DAB1: variants seen among roughly 807,000 people sequenced by gnomAD.
The protein encoded by DAB1 is disabled homolog 1.
Under a neutral mutation model 64.6 loss-of-function variants are expected in DAB1, and 15 were observed. That is an observed-to-expected ratio of 0.23 (90% confidence interval 0.16 to 0.36). The LOEUF is 0.36. Among genes scored for constraint, DAB1 ranks in the 10% least tolerant of loss-of-function variants. The probability of loss-of-function intolerance (pLI) is 1.00; values close to 1 mark genes in which losing one functional copy is unlikely to be tolerated. For synonymous variants in DAB1, 235 were observed against 251.9 expected (o/e 0.93, Z 0.64); for missense variants, 596 against 706.7 (o/e 0.84, Z 1.78).
chr1:57,248,266 A>T (rs543563033), intron 2 of DAB1, among the ~76,000 whole-genome samples: 49 of 144,396 alleles, frequency 3.4e-4, no homozygotes, highest in South Asian at 2.9e-3. Context: ...TTTTTTTTAA[A>T]AAAATACTTT....
At chr1:58,247,695 C>T (rs945283678) in intron 4 of DAB1, among the ~76,000 whole-genome samples, 3 of 152,082 alleles carry the variant, frequency 2.0e-5, no homozygotes, top group South Asian at 2.1e-4. Flanking sequence ...TTGCTTCATG[C>T]GGGCTCTGGT....
chr1:57,388,038 G>T (rs1466958734), intron 1 of DAB1, among the ~76,000 whole-genome samples: 1 of 152,056 alleles, frequency 6.6e-6, no homozygotes, highest in Non-Finnish European at 1.5e-5. Flanking sequence ...CCATTTCCAG[G>T]CACTTTGGTG....
chr1:57,573,922 A>C (rs931950579), intron 7 of DAB1, among the ~76,000 whole-genome samples: 1 of 151,984 alleles, frequency 6.6e-6, no homozygotes, highest in East Asian at 1.9e-4. Flanking sequence ...AGGAATAAAC[A>C]CTCTCCTTGA....
intron 4 of DAB1, among the ~76,000 whole-genome samples, chr1:58,296,185 GAGAA>G (rs1169639547): frequency 7.4e-5 from 8 of 108,048 alleles, no homozygotes; most frequent in African/African-American, 2.1e-4. Context: ...AAGAAAGAAA[GAGAA>G]AGAAAGAGAA....
At chr1:57,380,004 A>G (rs1176523830) in intron 1 of DAB1, among the ~76,000 whole-genome samples, 1 of 152,178 alleles carries the variant, frequency 6.6e-6, no homozygotes, top group Non-Finnish European at 1.5e-5. Flanking sequence ...CATAGTAAAC[A>G]CTCAATTAAT....
At chr1:57,487,380 C>A (rs1170663572) in intron 7 of DAB1, among the ~76,000 whole-genome samples, 1 of 152,168 alleles carries the variant, frequency 6.6e-6, no homozygotes, top group Non-Finnish European at 1.5e-5. Flanking sequence ...GCTGTGAGAA[C>A]AACTGTGAAC....
chr1:57,067,644 A>G (rs562019702), intron 8 of DAB1, among the ~76,000 whole-genome samples: 1 of 152,262 alleles, frequency 6.6e-6, no homozygotes, highest in Non-Finnish European at 1.5e-5. Context: ...TCAAAGTCCT[A>G]TGGTAAAGTG....
At chr1:57,681,441 G>A (rs1446265405) in intron 6 of DAB1, among the ~76,000 whole-genome samples, 2 of 152,038 alleles carry the variant, frequency 1.3e-5, no homozygotes, top group Non-Finnish European at 2.9e-5. Flanking sequence ...GTTGGGGGTG[G>A]GGAAAAAACT....
intron 6 of DAB1, among the ~76,000 whole-genome samples, chr1:57,720,434 C>G (rs1301271852): frequency 6.6e-6 from 1 of 152,198 alleles, no homozygotes; most frequent in African/African-American, 2.4e-5. Context: ...CCCATATTGC[C>G]AATAACAATA....
chr1:58,340,630 C>T (rs1349560786), intron 4 of DAB1, among the ~76,000 whole-genome samples: 3 of 152,204 alleles, frequency 2.0e-5, no homozygotes, highest in Middle Eastern at 3.2e-3. Context: ...GGCTTCTCAA[C>T]TCCCCAAATC....
intron 2 of DAB1, among the ~76,000 whole-genome samples, chr1:57,217,002 T>A (rs769798827): frequency 6.6e-5 from 10 of 152,212 alleles, no homozygotes; most frequent in Non-Finnish European, 1.2e-4. Context: ...AGGGACTTCA[T>A]GTCCTGATAT....
At chr1:58,133,142 C>T (rs1265559232) in intron 5 of DAB1, among the ~76,000 whole-genome samples, 1 of 152,222 alleles carries the variant, frequency 6.6e-6, no homozygotes, top group Non-Finnish European at 1.5e-5. Flanking sequence ...CCTAGTTTGG[C>T]ACACAAGGGC....
Position 57,347,784 on chromosome 1 carries a change from G to T in DAB1, c.-136-56618C>A, listed in dbSNP as rs185613054. Among the ~76,000 whole-genome samples the T allele has an allele frequency of 3.0e-3, 450 of 152,178 alleles. 1 individual carries two copies. The highest frequency in any genetic ancestry group is 9.6e-3 in the African/African-American group (397 of 41,508). ...AATTTGGTTTTAGGCTGTATTTCAA[G>T]ATTTTTTTTTTAAGCGGCAGATTTG... On this transcript the variant is annotated intron_variant, in intron 1 of 14. Transcript: ENST00000371236.
At chr1:57,790,369 T>C (rs537390237) in intron 6 of DAB1, among the ~76,000 whole-genome samples, 1 of 152,210 alleles carries the variant, frequency 6.6e-6, no homozygotes, top group South Asian at 2.1e-4. Context: ...AGGACATGTT[T>C]GCTTCCCCTT....
At position 57,949,549 on chromosome 1, in the gene DAB1, TACAC is replaced by T. The variant is rs879869080; in HGVS notation, n.388-65391_388-65388del. On this transcript the variant is annotated intron_variant and non_coding_transcript_variant, in intron 5 of 20. Coordinates refer to the DAB1 transcript ENST00000485760. Reference sequence around the variant, plus strand: ...TCTGTCTGTCTATCTATCATCTATCTACACACACACACACACAATATATATATAT... The same window carrying T: ...TCTGTCTGTCTATCTATCATCTATCTACACACACACACAATATATATATAT... Among the ~76,000 whole-genome samples, 599 of 134,738 alleles carry T rather than the reference TACAC, an allele frequency of 4.4e-3. 3 individuals carry two copies. The highest frequency in any genetic ancestry group is 0.036 in the Middle Eastern group (10 of 278). The allele number at this position is 134,738 out of a possible 152,430, so 88.4% of individuals were successfully genotyped here.
At chr1:58,363,027 A>G (rs1464262536) in intron 3 of DAB1, among the ~76,000 whole-genome samples, 1 of 152,228 alleles carries the variant, frequency 6.6e-6, no homozygotes, top group Non-Finnish European at 1.5e-5. Flanking sequence ...AGATAAAGAC[A>G]GAAATCAAGC....
intron 7 of DAB1, among the ~76,000 whole-genome samples, chr1:57,620,693 CCAG>C (rs1645846548): frequency 1.3e-5 from 2 of 152,224 alleles, no homozygotes; most frequent in Admixed American, 6.5e-5. Flanking sequence ...CCTTCTCAGG[CCAG>C]CAGCAGCAGG....
In DAB1 at chr1:58,275,495, A is replaced by T. The variant is rs184741084; in HGVS notation, n.309+67857T>A. On this transcript the variant is annotated intron_variant and non_coding_transcript_variant, in intron 4 of 20. Transcript: ENST00000485760. ...AACTCAACAACAAAAAAACAAATAA[A>T]TTGGCAAAAACTTGAATAGTTATTT... Among the ~76,000 whole-genome samples the T allele has an allele frequency of 1.1e-3, 160 of 152,276 alleles. 1 individual carries two copies. Among genetic ancestry groups the T allele is most frequent in the African/African-American group, 3.4e-3 (140 of 41,566 alleles).
intron 4 of DAB1, among the ~76,000 whole-genome samples, chr1:57,083,746 G>A (rs1652789220): frequency 6.6e-6 from 1 of 152,164 alleles, no homozygotes; most frequent in South Asian, 2.1e-4. Context: ...AAATGAGGTG[G>A]ATAGCAGGTG....
Sources: allele counts gnomAD v4.1 joint callset (sites outside exome capture counted in the v4.1 genomes callset), GRCh38; gene constraint gnomAD v4.1.1; transcripts MANE v1.5; gene names NCBI Gene and HGNC (gene_info 2026-07-23, HGNC 2026-07-21).